The following TTLL11 variants were observed in gnomAD, a reference collection of about 807,000 sequenced individuals.
TTLL11 encodes tubulin tyrosine ligase like 11.
Under a neutral mutation model 51.7 loss-of-function variants are expected in TTLL11, and 42 were observed. That is an observed-to-expected ratio of 0.81 (90% CI 0.64 to 1.05). The LOEUF (loss-of-function observed/expected upper bound fraction) is 1.05, where lower values mean the gene tolerates loss of function less well. Among genes scored for constraint, TTLL11 ranks in the 50% least tolerant of loss-of-function variants. The probability of loss-of-function intolerance (pLI) is 0.00; values close to 1 mark genes in which losing one functional copy is unlikely to be tolerated. For synonymous variants in TTLL11, 381 were observed against 383.5 expected (o/e 0.99, Z 0.08); for missense variants, 799 against 940.4 (o/e 0.85, Z 1.97).
intron 6 of TTLL11, among the ~76,000 whole-genome samples, chr9:121,950,676 C>T (rs912002163): frequency 1.3e-5 from 2 of 152,040 alleles, no homozygotes; most frequent in Non-Finnish European, 2.9e-5. Context: ...GAGACATCAG[C>T]AATAATCACT....
chr9:121,866,710 G>A (rs770472580), intron 7 of TTLL11, among the ~76,000 whole-genome samples: 8 of 151,474 alleles, frequency 5.3e-5, no homozygotes, highest in East Asian at 1.9e-4. Context: ...CCTGTTAATC[G>A]TTGTGCAATG....
chr9:122,000,752 T>C (rs1466319466), intron 3 of TTLL11, among the ~76,000 whole-genome samples: 1 of 152,228 alleles, frequency 6.6e-6, no homozygotes, highest in Non-Finnish European at 1.5e-5. Flanking sequence ...GGCTGTTGTA[T>C]GGAGAAGCCA....
At chr9:121,916,286 A>C (rs1023933999) in intron 6 of TTLL11, among the ~76,000 whole-genome samples, 3 of 152,196 alleles carry the variant, frequency 2.0e-5, no homozygotes, top group Admixed American at 6.5e-5. Flanking sequence ...CTGTTTTTGT[A>C]AAAATTACTA....
chr9:121,988,116 T>A (rs1842984665), intron 4 of TTLL11, among the ~76,000 whole-genome samples: 1 of 152,004 alleles, frequency 6.6e-6, no homozygotes, highest in Non-Finnish European at 1.5e-5. Context: ...CCTCATCCAG[T>A]CACCAAGCTG....
chr9:122,037,747 G>T (rs1003884684), intron 2 of TTLL11, among the ~76,000 whole-genome samples: 6 of 152,108 alleles, frequency 3.9e-5, no homozygotes, highest in African/African-American at 1.4e-4. Flanking sequence ...TGGAACTCTT[G>T]CAAATACTCC....
At chr9:121,980,373 T>C (rs1009241260) in intron 4 of TTLL11, among the ~76,000 whole-genome samples, 1 of 152,204 alleles carries the variant, frequency 6.6e-6, no homozygotes, top group African/African-American at 2.4e-5. Flanking sequence ...ACCTCTTTCA[T>C]AGTAAGGACT....
intron 6 of TTLL11, among the ~76,000 whole-genome samples, chr9:121,920,910 G>C (rs1840516746): frequency 3.3e-5 from 5 of 152,212 alleles, no homozygotes; most frequent in African/African-American, 1.2e-4. Context: ...GCCTGGGGAA[G>C]GTAAGAAGAG....
chr9:121,922,475 G>A (rs1840579488), intron 6 of TTLL11, among the ~76,000 whole-genome samples: 1 of 152,168 alleles, frequency 6.6e-6, no homozygotes, highest in Admixed American at 6.5e-5. Flanking sequence ...ACTACCTTGA[G>A]AGCAAGCTGA....
intron 6 of TTLL11, among the ~76,000 whole-genome samples, chr9:121,956,321 G>A (rs947386037): frequency 2.0e-5 from 3 of 152,194 alleles, no homozygotes; most frequent in African/African-American, 4.8e-5. Context: ...GTTCCCTAAA[G>A]GTTAGATTTT....
chr9:121,897,382 C>T (rs1564294169), intron 6 of TTLL11, among the ~76,000 whole-genome samples: 1 of 152,130 alleles, frequency 6.6e-6, no homozygotes, highest in Non-Finnish European at 1.5e-5. Context: ...TTCGTTGTTG[C>T]CTCTTCTGGG....
chr9:122,047,370 C>T (rs1178727203), intron 1 of TTLL11, among the ~76,000 whole-genome samples: 1 of 152,106 alleles, frequency 6.6e-6, no homozygotes, highest in Non-Finnish European at 1.5e-5. Flanking sequence ...TGTAAAAGCA[C>T]AGAGGTAGGA....
At chr9:121,875,666 G>T (rs1274700549) in intron 6 of TTLL11, among the ~76,000 whole-genome samples, 2 of 152,186 alleles carry the variant, frequency 1.3e-5, no homozygotes, top group Non-Finnish European at 2.9e-5. Context: ...CAATTATCAT[G>T]TTGAGATCCA....
At chr9:122,065,752 A>G (rs1256900409) in intron 1 of TTLL11, among the ~76,000 whole-genome samples, 2 of 152,190 alleles carry the variant, frequency 1.3e-5, no homozygotes, top group African/African-American at 2.4e-5. Flanking sequence ...ACTTATTCTG[A>G]GGAATAGGTG....
At chr9:121,983,080 G>C (rs1842861155) in intron 4 of TTLL11, among the ~76,000 whole-genome samples, 1 of 152,208 alleles carries the variant, frequency 6.6e-6, no homozygotes, top group Non-Finnish European at 1.5e-5. Context: ...GCCTAGACTG[G>C]GATGGCAACA....
chr9:121,974,838 T>C (rs895359755), intron 5 of TTLL11, 46 bp downstream of exon 5: 53 of 1,393,920 alleles, frequency 3.8e-5, no homozygotes, highest in Non-Finnish European at 4.9e-5. Flanking sequence ...GGTAGGAATA[T>C]TCAGCTGTAT....
intron 8 of TTLL11, among the ~76,000 whole-genome samples, chr9:121,830,083 A>C (rs1836954422): frequency 6.6e-6 from 1 of 152,242 alleles, no homozygotes; most frequent in Non-Finnish European, 1.5e-5. Context: ...ATAAAGATGC[A>C]TTTAATCCAC....
At chr9:121,996,849 C>T (rs1843282932) in intron 3 of TTLL11, among the ~76,000 whole-genome samples, 1 of 152,170 alleles carries the variant, frequency 6.6e-6, no homozygotes, top group Non-Finnish European at 1.5e-5. Flanking sequence ...TATGTAATTG[C>T]CAACTCTCCA....
At chr9:122,069,058 A>T (rs1231685012) in intron 1 of TTLL11, among the ~76,000 whole-genome samples, 1 of 152,218 alleles carries the variant, frequency 6.6e-6, no homozygotes, top group Admixed American at 6.5e-5. Context: ...AGATGTTGAG[A>T]ACTTACACAT....
chr9:121,924,856 A>G (rs1204780520), intron 6 of TTLL11, among the ~76,000 whole-genome samples: 1 of 151,774 alleles, frequency 6.6e-6, no homozygotes, highest in Non-Finnish European at 1.5e-5. Context: ...AGCTTGTGAG[A>G]GACATCTTAA....
Sources: gnomAD v4.1 joint callset for allele counts (sites outside exome capture counted in the v4.1 genomes callset) on GRCh38, gnomAD v4.1.1 for gene constraint, MANE v1.5 for transcripts, NCBI Gene and HGNC (gene_info 2026-07-23, HGNC 2026-07-21) for gene names.